The following FANCI variants were observed in gnomAD, a reference collection of about 807,000 sequenced individuals.
FANCI encodes the protein FA complementation group I.
A neutral mutation model predicts 176.1 loss-of-function variants in FANCI; 156 were observed. The observed-to-expected ratio is 0.89, with a 90% CI of 0.78 to 1.01. The LOEUF is 1.01. FANCI is among the 50% of genes least tolerant of loss of function. The pLI, the probability that FANCI is intolerant of heterozygous loss-of-function variation, is 0.00. For missense variants in FANCI, 1,678 were observed against 1,534.1 expected (o/e 1.09, Z -1.57); for synonymous variants, 613 against 541.7 (o/e 1.13, Z -1.83).
In FANCI at chr15:89,288,717, C is replaced by G. The variant is rs1229919084; in HGVS notation, c.1822-1496C>G. Among the ~76,000 whole-genome samples, 3 of 151,354 alleles carry G rather than the reference C, an allele frequency of 2.0e-5. No homozygotes were observed. The South Asian group carries it at 6.3e-4, about 32-fold the overall frequency. The stretch of plus-strand genomic sequence containing the variant: ...CACTGCAGCCTCCAGCTCCTAGGCT[C>G]AAATAATCCTCTTGCCTCAGCCCCA... On this transcript the variant is annotated intron_variant, in intron 18 of 37. Coordinates refer to ENST00000310775, the MANE Select transcript of FANCI (RefSeq NM_001113378.2).
intron 28 of FANCI, 115 bp from the exon 29 acceptor site, chr15:89,305,000 T>G: frequency 8.5e-7 from 1 of 1,175,800 alleles, no homozygotes; most frequent in Non-Finnish European, 1.2e-6. Flanking sequence ...GGTCTTGAAT[T>G]CCTGACCTCA....
chr15:89,266,972 G>T (rs2052988492), intron 9 of FANCI, among the ~76,000 whole-genome samples: 1 of 152,014 alleles, frequency 6.6e-6, no homozygotes, highest in Admixed American at 6.6e-5. Context: ...GGATAAGACT[G>T]GAAGGGACTA....
intron 24 of FANCI, among the ~76,000 whole-genome samples, chr15:89,299,587 G>A (rs1299172632): frequency 6.6e-6 from 1 of 152,230 alleles, no homozygotes; most frequent in East Asian, 1.9e-4. Context: ...TAGATCAGTA[G>A]TTGCTTGGAA....
rs1196653118 is a variant in FANCI at position 89,284,703 on chromosome 15, C to T, written c.1699-393C>T. On this transcript the variant is annotated intron_variant, in intron 17 of 37. Coordinates refer to ENST00000310775, the MANE Select transcript of FANCI (RefSeq NM_001113378.2). ...CATTTCTAAACAAAAGACTGTCTTC[C>T]TCTCAACCTTTCTAGAATTTGTGGA... 2.6e-5 allele frequency among the ~76,000 whole-genome samples: 4 copies of T among 152,208 alleles called. No homozygotes were observed. In the East Asian group the frequency reaches 5.8e-4, roughly 22 times the overall value.
rs28446881 is a variant in FANCI, at chr15:89,285,089, C to T, written c.1699-7C>T. 1.2e-6 allele frequency: 2 copies of T among 1,613,992 alleles called. No homozygotes were observed. Among genetic ancestry groups the T allele is most frequent in the Non-Finnish European group, 1.7e-6 (2 of 1,179,942 alleles). On this transcript the variant is annotated splice_region_variant and splice_polypyrimidine_tract_variant and intron_variant, in intron 17 of 37. Transcript: ENST00000310775. ...GATAGACGTGAATTGGCCTGTCTTC[C>T]TTTCAGGTTCATGTGGATGTTCACA...
chr15:89,244,901 A>G (rs945677004), intron 1 of FANCI, among the ~76,000 whole-genome samples: 2 of 152,180 alleles, frequency 1.3e-5, no homozygotes, highest in African/African-American at 4.8e-5. Flanking sequence ...TTTCCCTATT[A>G]TAGGGGTTCA....
intron 10 of FANCI, among the ~76,000 whole-genome samples, chr15:89,272,089 CTG>C (rs1245727525): frequency 2.0e-5 from 3 of 152,172 alleles, no homozygotes; most frequent in Non-Finnish European, 2.9e-5. Context: ...TCCTATTTCT[CTG>C]TGTCTTGGCC....
chr15:89,256,076 C>T (rs116365878), intron 2 of FANCI, among the ~76,000 whole-genome samples: 1,730 of 152,244 alleles, frequency 0.011, 30 homozygotes, highest in African/African-American at 0.04. Context: ...CTTTTTTTCC[C>T]TCTTCCTATG....
Position 89,263,892 on chromosome 15 carries a change from T to C in FANCI, c.546-11T>C. 3 of 1,614,064 alleles carry C rather than the reference T, an allele frequency of 1.9e-6. No individual in the cohort carries two copies. Among genetic ancestry groups the C allele is most frequent in the East Asian group, 4.5e-5 (2 of 44,866 alleles). On this transcript the variant is annotated splice_polypyrimidine_tract_variant and intron_variant, in intron 7 of 37. Transcript: ENST00000310775. ...ACACTGTCTATAGCCTTTAGAATCT[T>C]TGATCCACAGGGATGTCCCTCTGAC...
chr15:89,299,484 G>A (rs1272085393), intron 24 of FANCI, among the ~76,000 whole-genome samples: 2 of 152,140 alleles, frequency 1.3e-5, no homozygotes, highest in East Asian at 3.9e-4. Context: ...TATAGAGTCT[G>A]CTGTGTTAAA....
chr15:89,268,964 C>T (rs547195615), intron 10 of FANCI, among the ~76,000 whole-genome samples: 1 of 152,174 alleles, frequency 6.6e-6, no homozygotes, highest in South Asian at 2.1e-4. Flanking sequence ...GATGCTAAGT[C>T]ATTCATCATG....
At chr15:89,265,825 T>G (rs367716888) in intron 9 of FANCI, among the ~76,000 whole-genome samples, 1 of 151,976 alleles carries the variant, frequency 6.6e-6, no homozygotes, top group Non-Finnish European at 1.5e-5. Context: ...CCTGGCCGGA[T>G]TTTTTGTTTT....
chr15:89,310,894 G>A (rs1373032087), intron 34 of FANCI, among the ~76,000 whole-genome samples: 7 of 152,182 alleles, frequency 4.6e-5, no homozygotes, highest in Non-Finnish European at 7.3e-5. Flanking sequence ...GGAGGCCGAG[G>A]TGGGAGAATC....
In FANCI at chr15:89,293,863, AT is replaced by A; in HGVS notation, c.2325del (p.Phe775LeufsTer33). 1 of 1,614,088 alleles carries A rather than the reference AT, an allele frequency of 6.2e-7. No individual in the cohort carries two copies. Among genetic ancestry groups the A allele is most frequent in the Non-Finnish European group, 8.5e-7 (1 of 1,179,992 alleles). ...KNRFEDILSL[F>X]MCYKKLSDIL... ...ATAGGTTTGAGGACATTCTGAGCTT[AT>A]TTATGTGTTACAAAAAACTCTCTGA... On this transcript the variant is annotated frameshift_variant, in exon 23 of 38. Transcript: ENST00000310775. LOFTEE classifies it high-confidence loss of function.
At chr15:89,313,770 G>A (rs977866688) in intron 35 of FANCI, among the ~76,000 whole-genome samples, 31 of 151,832 alleles carry the variant, frequency 2.0e-4, no homozygotes, top group Admixed American at 6.6e-4. Flanking sequence ...TAGAGGACTG[G>A]CTAAATAGGT....
Position 89,316,972 on chromosome 15 carries a change from G to C in FANCI, c.*513G>C. The C allele has an allele frequency of 1.4e-6, 1 of 695,522 alleles. No individual in the cohort carries two copies. Among genetic ancestry groups the C allele is most frequent in the Non-Finnish European group, 2.6e-6 (1 of 381,220 alleles). 43.1% of individuals were successfully genotyped at this position (695,522 alleles called of 1,614,324 possible). A position where few individuals can be genotyped will look rare whatever the true frequency, so the allele number is the denominator to read the frequency against. On this transcript the variant is annotated 3_prime_UTR_variant, in exon 38 of 38. Coordinates refer to ENST00000310775, the MANE Select transcript of FANCI (RefSeq NM_001113378.2). ...CCACGAACGGTAATGTTACATGTTA[G>C]GAGGGTCTGTTTTCTTTTTATATAA...
At chr15:89,273,795 T>C (rs2151445855) in intron 11 of FANCI, among the ~76,000 whole-genome samples, 1 of 152,356 alleles carries the variant, frequency 6.6e-6, no homozygotes, top group Non-Finnish European at 1.5e-5. Context: ...GCAGTTTTAC[T>C]ATGTTGTAGC....
intron 20 of FANCI, among the ~76,000 whole-genome samples, 170 bp downstream of exon 20, chr15:89,291,884 T>C (rs1021329922): frequency 6.6e-6 from 1 of 152,254 alleles, no homozygotes; most frequent in African/African-American, 2.4e-5. Flanking sequence ...TTTGGATCTA[T>C]TGGTAAGTTA....
intron 17 of FANCI, among the ~76,000 whole-genome samples, chr15:89,283,847 C>G (rs192243468): frequency 1.2e-4 from 18 of 151,846 alleles, no homozygotes; most frequent in Admixed American, 1.2e-3. Context: ...ACTGCAAGCT[C>G]TGCCTCCCGG....
Sources: gnomAD v4.1 joint callset for allele counts (sites outside exome capture counted in the v4.1 genomes callset) on GRCh38, gnomAD v4.1.1 for gene constraint, MANE v1.5 for transcripts, NCBI Gene and HGNC (gene_info 2026-07-23, HGNC 2026-07-21) for gene names.